Variants in SP2 observed in about 807,000 individuals in gnomAD.
The protein encoded by SP2 is transcription factor Sp2.
A neutral mutation model predicts 50.1 loss-of-function variants in SP2; 9 were observed. The observed-to-expected ratio is 0.18, with a 90% CI of 0.11 to 0.31. SP2 has a LOEUF of 0.31. Ranked by LOEUF, SP2 falls within the 10% of genes least tolerant of loss-of-function variation. SP2 has a pLI of 1.00. For synonymous variants in SP2, 313 were observed against 326.6 expected (o/e 0.96, Z 0.45); for missense variants, 581 against 806.5 (o/e 0.72, Z 3.39).
At chr17:47,904,262 CAAA>C (rs71366804) in intron 1 of SP2, among the ~76,000 whole-genome samples, 8 of 99,694 alleles carry the variant, frequency 8.0e-5, no homozygotes, top group African/African-American at 1.2e-4. Context: ...GACTCTGTCC[CAAA>C]AAAAAAAAAA....
intron 1 of SP2, chr17:47,899,108 T>G (rs1467589361): frequency 6.6e-6 from 1 of 152,238 alleles, no homozygotes; most frequent in African/African-American, 2.4e-5. Context: ...TCTAGACCTG[T>G]TGTAGGAGGA....
chr17:47,903,743 C>T (rs1025279419), intron 1 of SP2, among the ~76,000 whole-genome samples: 4 of 151,978 alleles, frequency 2.6e-5, no homozygotes, highest in East Asian at 1.9e-4. Flanking sequence ...GGTCGGATCA[C>T]GAAGTCAGGA....
chr17:47,927,713 C>T lies in SP2; in HGVS notation c.1742-11C>T, dbSNP rs768625983. On this transcript the variant is annotated splice_polypyrimidine_tract_variant and intron_variant, in intron 6 of 6. Coordinates refer to ENST00000376741, the MANE Select transcript of SP2 (RefSeq NM_003110.6). Reference sequence around the variant, plus strand: ...CAGGGTCTGTGGGTGATGGGCATCTCCTCTTCCCAGGGGACAAACGCTTCG... The same window carrying T: ...CAGGGTCTGTGGGTGATGGGCATCTTCTCTTCCCAGGGGACAAACGCTTCG... The T allele has an allele frequency of 1.9e-6, 3 of 1,559,962 alleles. No homozygotes were observed. The highest frequency in any genetic ancestry group is 2.6e-6 in the Non-Finnish European group (3 of 1,148,238).
At chr17:47,923,620 C>CTTCA (rs1304388331) in intron 4 of SP2, among the ~76,000 whole-genome samples, 2 of 152,346 alleles carry the variant, frequency 1.3e-5, no homozygotes, top group East Asian at 3.9e-4. Flanking sequence ...TTGTGCTGCA[C>CTTCA]TTCAGTTCAG....
chr17:47,922,267 G>A (rs1307454355), intron 3 of SP2, among the ~76,000 whole-genome samples: 3 of 151,958 alleles, frequency 2.0e-5, no homozygotes, highest in Non-Finnish European at 4.4e-5. Flanking sequence ...CCTCCTCCCC[G>A]CTACAAATGC....
intron 1 of SP2, among the ~76,000 whole-genome samples, chr17:47,896,615 G>A (rs1008413792): frequency 1.3e-5 from 2 of 152,304 alleles, no homozygotes; most frequent in Admixed American, 6.5e-5. Flanking sequence ...GACGGGTGCC[G>A]ACCCACTTCA....
At chr17:47,901,768 A>C (rs2034551574) in intron 1 of SP2, among the ~76,000 whole-genome samples, 1 of 152,156 alleles carries the variant, frequency 6.6e-6, no homozygotes, top group Non-Finnish European at 1.5e-5. Flanking sequence ...TAGTGCCAGG[A>C]TATGCAAATC....
At chr17:47,922,931 G>A (rs1255130840) in intron 3 of SP2, 31 bp from the exon 4 acceptor site, 1 of 1,583,770 alleles carries the variant, frequency 6.3e-7, no homozygotes, top group Non-Finnish European at 8.6e-7. Context: ...TCTCTTCCAG[G>A]CACTGATTTT....
In SP2 at chr17:47,915,417, G is replaced by A. The variant is rs750981195; in HGVS notation, c.84+29G>A. 2.6e-6 allele frequency: 4 copies of A among 1,514,240 alleles called. No homozygotes were observed. In the South Asian group the frequency reaches 4.6e-5, roughly 17 times the overall value. 93.8% of individuals were successfully genotyped at this position (1,514,240 alleles called of 1,614,324 possible). On this transcript the variant is annotated intron_variant, in intron 2 of 6. Transcript: ENST00000376741. ...AGTAGGCAGTGGGCTCCGAGGGCTT[G>A]GGGCTGCAGCATCCTGGACAGACTC...
At chr17:47,909,766 C>T (rs2034907080) in intron 1 of SP2, 1 of 808,046 alleles carries the variant, frequency 1.2e-6, no homozygotes, top group Non-Finnish European at 1.5e-6. Flanking sequence ...TTGTACCTAC[C>T]AGTTTTTTAA....
intron 1 of SP2, among the ~76,000 whole-genome samples, chr17:47,907,559 C>G (rs963835272): frequency 6.6e-6 from 1 of 152,166 alleles, no homozygotes; most frequent in African/African-American, 2.4e-5. Context: ...AATGAAAAGT[C>G]TGAATGATAT....
At chr17:47,897,004 T>G (rs1170946257) in intron 1 of SP2, among the ~76,000 whole-genome samples, 1 of 152,236 alleles carries the variant, frequency 6.6e-6, no homozygotes, top group Non-Finnish European at 1.5e-5. Flanking sequence ...TTAGCAGAAT[T>G]GTGAGAAGTT....
chr17:47,922,870 C>T (rs952171157), intron 3 of SP2, 92 bp from the exon 4 acceptor site: 17 of 1,107,810 alleles, frequency 1.5e-5, no homozygotes, highest in African/African-American at 9.3e-5. Flanking sequence ...AGTGGACAGG[C>T]GCCCCCAGTT....
At position 47,927,817 on chromosome 17, in the gene SP2, A is replaced by C. The variant is rs2035710165; in HGVS notation, c.1835A>C (p.Asn612Thr). ...TACAAGACCCACCTGGTCACGAAGA[A>C]CTTGTAAGGCCAACTGCGGCGGGAG... ...KHYKTHLVTK[N>T]L The change falls in exon 7 of 7, where the codon AAC becomes ACC. Residue 612 changes from asparagine (N) to threonine (T), a missense_variant. Physicochemically the swap from Asn to Thr is moderately conservative, Grantham distance 65. Around this residue, in one of 2 missense-constraint regions of SP2, gnomAD observed 184 missense variants for 315.5 expected, o/e 0.58. Transcript: ENST00000376741. 6 of 1,583,424 alleles carry C rather than the reference A, an allele frequency of 3.8e-6. No homozygotes were observed. Among genetic ancestry groups the C allele is most frequent in the Non-Finnish European group, 5.2e-6 (6 of 1,161,820 alleles).
intron 3 of SP2, among the ~76,000 whole-genome samples, chr17:47,922,322 T>C (rs943983375): frequency 6.6e-6 from 1 of 152,200 alleles, no homozygotes; most frequent in Non-Finnish European, 1.5e-5. Context: ...TTTTAAGGTT[T>C]TTGATACATA....
Position 47,927,431 on chromosome 17 carries a change from G to T in SP2, c.1742-293G>T, listed in dbSNP as rs138842677. 3.5e-4 allele frequency among the ~76,000 whole-genome samples: 53 copies of T among 151,590 alleles called. 1 individual carries two copies. The East Asian group carries it at 0.01, about 30-fold the overall frequency. ...ATCTGTAGTCCCAGCTATTTGAGAG[G>T]CTGAGGCAGGAGAATTGCTTGACCT... On this transcript the variant is annotated intron_variant, in intron 6 of 6. Coordinates refer to ENST00000376741, the MANE Select transcript of SP2 (RefSeq NM_003110.6).
chr17:47,896,427 A>T (rs146199012), intron 1 of SP2, 134 bp downstream of exon 1: 22,795 of 497,252 alleles, frequency 0.046, 537 homozygotes, highest in Middle Eastern at 0.14. Context: ...GCCCGGCTTC[A>T]GGAGGGGCGG....
intron 3 of SP2, among the ~76,000 whole-genome samples, chr17:47,921,113 A>G (rs894264075): frequency 4.0e-5 from 6 of 151,858 alleles, no homozygotes; most frequent in Non-Finnish European, 7.4e-5. Flanking sequence ...TATTTTCCCA[A>G]CCTCAGCCTT....
Position 47,927,776 on chromosome 17 carries a change from C to T in SP2, c.1794C>T (p.Asp598=). ...AQCQKRFMRS[D]HLTKHYKTHL... ...GTCAGAAGCGCTTCATGAGGAGTGACCACCTCACCAAGCATTACAAGACCC... is the reference window on the plus strand; with the variant it reads ...GTCAGAAGCGCTTCATGAGGAGTGATCACCTCACCAAGCATTACAAGACCC... The change falls in exon 7 of 7, where the codon GAC becomes GAT. Residue 598 remains aspartate (D), a synonymous_variant. Coordinates refer to ENST00000376741, the MANE Select transcript of SP2 (RefSeq NM_003110.6). 1.3e-6 allele frequency: 2 copies of T among 1,599,258 alleles called. No individual in the cohort carries two copies. Among genetic ancestry groups the T allele is most frequent in the Non-Finnish European group, 1.7e-6 (2 of 1,172,686 alleles).
Sources: allele counts gnomAD v4.1 joint callset (sites outside exome capture counted in the v4.1 genomes callset), GRCh38; gene constraint gnomAD v4.1.1; regional missense constraint gnomAD v4.1.1; transcripts MANE v1.5; gene names NCBI Gene and HGNC (gene_info 2026-07-23, HGNC 2026-07-21).